KPNA7: variants seen among roughly 807,000 people sequenced by gnomAD.
KPNA7 encodes the protein importin subunit alpha-8.
In KPNA7, 54 loss-of-function variants were observed where a neutral mutation model predicts 53.7. The observed-to-expected ratio is 1.01, with a 90% CI of 0.81 to 1.26. The LOEUF is 1.26. KPNA7 is among the 50% of genes most tolerant of loss of function. KPNA7 has a pLI of 0.00. For missense variants in KPNA7, 640 were observed against 644.5 expected (o/e 0.99, Z 0.07); for synonymous variants, 276 against 259.3 (o/e 1.06, Z -0.62).
At chr7:99,219,170 G>A (rs964344842) in intron 1 of KPNA7, among the ~76,000 whole-genome samples, 10 of 152,350 alleles carry the variant, frequency 6.6e-5, no homozygotes, top group East Asian at 5.8e-4. Context: ...GCTGAGGGGC[G>A]AGGCCCGGGT....
intron 3 of KPNA7, among the ~76,000 whole-genome samples, chr7:99,196,974 A>G (rs1179076101): frequency 6.6e-6 from 1 of 152,134 alleles, no homozygotes; most frequent in Non-Finnish European, 1.5e-5. Context: ...GGCTAACAAA[A>G]AAACTTGAAA....
intron 1 of KPNA7, among the ~76,000 whole-genome samples, chr7:99,214,121 A>G (rs1791143748): frequency 1.3e-5 from 2 of 152,070 alleles, no homozygotes; most frequent in African/African-American, 4.8e-5. Context: ...AACAAGGTCT[A>G]ATTAGGAAAG....
intron 7 of KPNA7, among the ~76,000 whole-genome samples, chr7:99,187,824 A>ATTT (rs1563075239): frequency 2.1e-5 from 3 of 140,322 alleles, no homozygotes; most frequent in African/African-American, 7.8e-5. Context: ...AAAAAAAAAA[A>ATTT]AAAAAAAAAA....
intron 9 of KPNA7, among the ~76,000 whole-genome samples, chr7:99,180,561 C>CTG (rs775697752): frequency 8.0e-5 from 12 of 150,200 alleles, no homozygotes; most frequent in East Asian, 4.0e-4. Context: ...CTGTCTCTGT[C>CTG]TCTGTCCATC....
the KPNA7 span, among the ~76,000 whole-genome samples, chr7:99,155,790 C>G: frequency 6.6e-6 from 1 of 151,628 alleles, no homozygotes; most frequent in Non-Finnish European, 1.5e-5. Flanking sequence ...GTCTCAACCT[C>G]CTGGGCTCCA....
chr7:99,163,305 T>C, the KPNA7 span, among the ~76,000 whole-genome samples: 2 of 145,500 alleles, frequency 1.4e-5, no homozygotes, highest in East Asian at 2.0e-4. Flanking sequence ...AAATTTGTAA[T>C]ATATTTATAT....
At chr7:99,206,354 G>T (rs997130380) in intron 2 of KPNA7, among the ~76,000 whole-genome samples, 1 of 152,052 alleles carries the variant, frequency 6.6e-6, no homozygotes, top group Non-Finnish European at 1.5e-5. Flanking sequence ...TACAGACAGG[G>T]TTTCACCATG....
chr7:99,146,814 A>G, the KPNA7 span, among the ~76,000 whole-genome samples: 2 of 151,750 alleles, frequency 1.3e-5, no homozygotes, highest in Admixed American at 6.6e-5. Context: ...CCTACCTTAA[A>G]TGTGCACAGA....
intron 8 of KPNA7, 113 bp downstream of exon 8, chr7:99,184,816 G>T: frequency 3.5e-6 from 3 of 866,688 alleles, no homozygotes; most frequent in Non-Finnish European, 5.6e-6. Context: ...AGGTTTCAGA[G>T]CTCTGCTGTG....
At chr7:99,159,639 T>C in the KPNA7 span, among the ~76,000 whole-genome samples, 1 of 152,252 alleles carries the variant, frequency 6.6e-6, no homozygotes, top group South Asian at 2.1e-4. Context: ...TCACATCACT[T>C]CATCTATGAT....
chr7:99,179,526 A>T (rs1325789512), intron 9 of KPNA7, among the ~76,000 whole-genome samples: 1 of 151,980 alleles, frequency 6.6e-6, no homozygotes, highest in East Asian at 1.9e-4. Context: ...ACTGCATTCT[A>T]GCCTGGGTGA....
intron 2 of KPNA7, 123 bp from the exon 3 acceptor site, chr7:99,203,363 G>C (rs1248425044): frequency 1.1e-6 from 1 of 921,100 alleles, no homozygotes; most frequent in Non-Finnish European, 1.6e-6. Flanking sequence ...GAAAAGTTCA[G>C]ATCACACAGT....
upstream of KPNA7, among the ~76,000 whole-genome samples, chr7:99,211,416 T>C (rs1791068679): frequency 1.3e-5 from 2 of 152,122 alleles, no homozygotes; most frequent in Non-Finnish European, 2.9e-5. Context: ...AGTGAGACTC[T>C]GTCTCAAAAA....
At chr7:99,174,098 C>G (rs1460977363) in intron 10 of KPNA7, among the ~76,000 whole-genome samples, 2 of 151,912 alleles carry the variant, frequency 1.3e-5, no homozygotes, top group Non-Finnish European at 2.9e-5. Flanking sequence ...GCAAGCGAAG[C>G]TTCATCTGTA....
At chr7:99,194,943 A>T in intron 5 of KPNA7, 127 bp downstream of exon 5, 2 of 1,157,934 alleles carry the variant, frequency 1.7e-6, no homozygotes, top group Non-Finnish European at 2.4e-6. Flanking sequence ...TACCCTTGCC[A>T]GCACTTCTAG....
intron 1 of KPNA7, among the ~76,000 whole-genome samples, chr7:99,218,755 C>T (rs899235954): frequency 3.9e-5 from 6 of 152,242 alleles, no homozygotes; most frequent in Non-Finnish European, 7.3e-5. Flanking sequence ...CAGAAAGGGC[C>T]CCCAGAGGCA....
the KPNA7 span, among the ~76,000 whole-genome samples, chr7:99,157,709 T>C: frequency 2.6e-5 from 4 of 152,218 alleles, no homozygotes; most frequent in Non-Finnish European, 5.9e-5. Flanking sequence ...CTAAAATTTC[T>C]TGTCAGGTAA....
At chr7:99,197,461 C>T (rs1394684490) in intron 3 of KPNA7, among the ~76,000 whole-genome samples, 1 of 152,140 alleles carries the variant, frequency 6.6e-6, no homozygotes. Context: ...GTGACACACA[C>T]ATATACATAT....
At chr7:99,148,923 T>A in the KPNA7 span, among the ~76,000 whole-genome samples, 12 of 118,864 alleles carry the variant, frequency 1.0e-4, no homozygotes, top group African/African-American at 3.7e-4. Context: ...TGAGACGGAG[T>A]CTTGCAGTGT....
Sources: allele counts gnomAD v4.1 joint callset (sites outside exome capture counted in the v4.1 genomes callset), GRCh38; gene constraint gnomAD v4.1.1; transcripts MANE v1.5; gene names NCBI Gene and HGNC (gene_info 2026-07-23, HGNC 2026-07-21).